The following SPAG16 variants were observed in gnomAD, a reference collection of about 807,000 sequenced individuals.
SPAG16 encodes sperm associated antigen 16.
In SPAG16, 86 loss-of-function variants were observed where a neutral mutation model predicts 80.4. The ratio of observed to expected loss-of-function variants is 1.07; its 90% CI spans 0.90 to 1.28. The LOEUF is 1.28. Among genes scored for constraint, SPAG16 ranks in the 50% most tolerant of loss-of-function variants. The pLI is 0.00. For missense variants in SPAG16, 870 were observed against 765.3 expected (o/e 1.14, Z -1.61); for synonymous variants, 294 against 265.9 (o/e 1.11, Z -1.03).
In SPAG16 at chr2:213,891,620, A is replaced by G. The variant is rs553761394; in HGVS notation, c.1214+28992A>G. ...TTCCAGTTCCAAAATTGTGATGTAG[A>G]TGGAACCTGGCTTCACTTCCCCTAA... On this transcript the variant is annotated intron_variant, in intron 11 of 15. Coordinates refer to ENST00000331683, the MANE Select transcript of SPAG16 (RefSeq NM_024532.5). 7.0e-4 allele frequency among the ~76,000 whole-genome samples: 107 copies of G among 152,300 alleles called. 1 individual carries two copies. The highest frequency in any genetic ancestry group is 9.4e-4 in the Non-Finnish European group (64 of 68,020).
chr2:213,676,186 C>G (rs977488975), intron 10 of SPAG16, among the ~76,000 whole-genome samples: 1 of 151,314 alleles, frequency 6.6e-6, no homozygotes, highest in African/African-American at 2.4e-5. Context: ...GGCTCTCTGT[C>G]TGTTATTGGT....
intron 11 of SPAG16, among the ~76,000 whole-genome samples, chr2:213,887,762 CATGTAAAGAA>C (rs953004610): frequency 4.0e-5 from 6 of 151,432 alleles, no homozygotes; most frequent in Non-Finnish European, 4.4e-5. Context: ...CAGCTGCCAA[CATGTAAAGAA>C]ACAATTCTAA....
At chr2:214,053,401 A>T (rs1432315121) in intron 13 of SPAG16, among the ~76,000 whole-genome samples, 2 of 152,178 alleles carry the variant, frequency 1.3e-5, no homozygotes, top group African/African-American at 2.4e-5. Flanking sequence ...TTAGATGAGA[A>T]TGGGTATGAC....
intron 10 of SPAG16, among the ~76,000 whole-genome samples, chr2:213,608,316 G>A (rs528012749): frequency 2.6e-5 from 4 of 151,694 alleles, no homozygotes; most frequent in Non-Finnish European, 5.9e-5. Context: ...TAATGCTATC[G>A]CTCCCTCCTC....
chr2:213,624,596 A>C (rs752635055), intron 10 of SPAG16, among the ~76,000 whole-genome samples: 53 of 152,222 alleles, frequency 3.5e-4, no homozygotes, highest in Non-Finnish European at 6.9e-4. Context: ...AGTTATGTTA[A>C]AACACTGACT....
intron 15 of SPAG16, among the ~76,000 whole-genome samples, chr2:214,362,401 T>C (rs1004298405): frequency 2.0e-5 from 3 of 151,924 alleles, no homozygotes; most frequent in African/African-American, 7.2e-5. Context: ...AAAACAATAA[T>C]GCTTTCTACC....
intron 10 of SPAG16, among the ~76,000 whole-genome samples, chr2:213,678,215 AAGCAAG>A: frequency 6.6e-6 from 1 of 152,180 alleles, no homozygotes. Flanking sequence ...AGAACTAGAA[AAGCAAG>A]AGCAAACACA....
intron 11 of SPAG16, among the ~76,000 whole-genome samples, chr2:213,874,798 A>G (rs1349916957): frequency 9.2e-5 from 14 of 152,020 alleles, no homozygotes; most frequent in Non-Finnish European, 5.9e-5. Context: ...GATTGTGGGG[A>G]CTATGAAGCT....
chr2:214,403,435 T>A (rs753285739), intron 15 of SPAG16, among the ~76,000 whole-genome samples: 6 of 151,378 alleles, frequency 4.0e-5, no homozygotes, highest in Non-Finnish European at 5.9e-5. Context: ...TGGTATCATA[T>A]CAACAAGTAA....
intron 10 of SPAG16, among the ~76,000 whole-genome samples, chr2:213,859,366 C>T (rs1575379411): frequency 6.6e-6 from 1 of 151,874 alleles, no homozygotes; most frequent in Non-Finnish European, 1.5e-5. Flanking sequence ...GGCTCTCCTC[C>T]CTTGGTTTCT....
intron 5 of SPAG16, among the ~76,000 whole-genome samples, chr2:213,330,375 G>A (rs914896313): frequency 1.3e-5 from 2 of 152,194 alleles, no homozygotes; most frequent in Non-Finnish European, 2.9e-5. Flanking sequence ...CCTACCTCTT[G>A]TATCAGCGTG....
chr2:214,247,065 A>C (rs1270258295), intron 15 of SPAG16, among the ~76,000 whole-genome samples: 2 of 152,126 alleles, frequency 1.3e-5, no homozygotes, highest in Non-Finnish European at 2.9e-5. Context: ...GGAGTAAACC[A>C]CTTGTAAATT....
At chr2:213,916,767 T>G (rs1205974982) in intron 11 of SPAG16, among the ~76,000 whole-genome samples, 1 of 152,198 alleles carries the variant, frequency 6.6e-6, no homozygotes, top group East Asian at 1.9e-4. Flanking sequence ...GCTGACAGTT[T>G]CTTTTGCTGT....
At chr2:214,133,860 G>T (rs1470819050) in intron 14 of SPAG16, among the ~76,000 whole-genome samples, 1 of 152,066 alleles carries the variant, frequency 6.6e-6, no homozygotes, top group Non-Finnish European at 1.5e-5. Context: ...CCTGGAGTTT[G>T]GATCCTTTTG....
At chr2:213,679,625 T>C (rs2064279484) in intron 10 of SPAG16, among the ~76,000 whole-genome samples, 1 of 152,234 alleles carries the variant, frequency 6.6e-6, no homozygotes, top group African/African-American at 2.4e-5. Context: ...GTGATTTATG[T>C]GTTTGCCATT....
intron 15 of SPAG16, among the ~76,000 whole-genome samples, chr2:214,386,579 A>C (rs990826259): frequency 1.3e-5 from 2 of 152,080 alleles, no homozygotes; most frequent in Non-Finnish European, 1.5e-5. Context: ...ACTATGAAAC[A>C]GGCCAGGCAA....
Position 213,756,200 on chromosome 2 carries a change from G to T in SPAG16, c.1071-106285G>T, listed in dbSNP as rs995747509. Among the ~76,000 whole-genome samples the T allele has an allele frequency of 5.9e-5, 9 of 152,246 alleles. No homozygotes were observed. In the East Asian group the frequency reaches 1.4e-3, roughly 23 times the overall value. ...TTAAAAAAAAGAAAAAAGTCTATGGGCCAGGCACGATGGCTCATGCATGTA... is the reference window on the plus strand; with the variant it reads ...TTAAAAAAAAGAAAAAAGTCTATGGTCCAGGCACGATGGCTCATGCATGTA... On this transcript the variant is annotated intron_variant, in intron 10 of 15. Coordinates refer to ENST00000331683, the MANE Select transcript of SPAG16 (RefSeq NM_024532.5).
chr2:214,359,821 A>G (rs1361607865), intron 15 of SPAG16, among the ~76,000 whole-genome samples: 4 of 151,932 alleles, frequency 2.6e-5, no homozygotes, highest in Non-Finnish European at 5.9e-5. Flanking sequence ...ATTATTAAAA[A>G]AACATTTAAA....
At chr2:214,082,566 CCCA>C (rs755249110) in intron 13 of SPAG16, among the ~76,000 whole-genome samples, 71 of 152,276 alleles carry the variant, frequency 4.7e-4, no homozygotes, top group Non-Finnish European at 8.8e-4. Context: ...GACAGCATGA[CCCA>C]TTCATCACTG....
Sources: gnomAD v4.1 joint callset for allele counts (sites outside exome capture counted in the v4.1 genomes callset) on GRCh38, gnomAD v4.1.1 for gene constraint, MANE v1.5 for transcripts, NCBI Gene and HGNC (gene_info 2026-07-23, HGNC 2026-07-21) for gene names.